PPP2R5E: variants seen among roughly 807,000 people sequenced by gnomAD.
The protein encoded by PPP2R5E is serine/threonine-protein phosphatase 2A 56 kDa regulatory subunit epsilon isoform.
In PPP2R5E, 4 loss-of-function variants were observed where a neutral mutation model predicts 65.3. The ratio of observed to expected loss-of-function variants is 0.06; its 90% CI spans 0.03 to 0.14. The LOEUF (loss-of-function observed/expected upper bound fraction) is 0.14. Among genes scored for constraint, PPP2R5E ranks in the 10% least tolerant of loss-of-function variants. The probability of loss-of-function intolerance (pLI) is 1.00; values close to 1 mark genes in which losing one functional copy is unlikely to be tolerated. For missense variants in PPP2R5E, 274 were observed against 556.1 expected, an observed-to-expected ratio of 0.49 and a Z score of 5.10; for synonymous variants, 183 against 187.4, an observed-to-expected ratio of 0.98 and a Z score of 0.19.
At position 63,372,763 on chromosome 14, in the gene PPP2R5E, G is replaced by T. The variant is rs760217307; in HGVS notation, c.*3246C>A. On this transcript the variant is annotated 3_prime_UTR_variant, in exon 14 of 14. Coordinates refer to ENST00000337537, the MANE Select transcript of PPP2R5E (RefSeq NM_006246.5). ...AGGGCTATACATTTAAGTATAGCAG[G>T]TGCAATTACAAGCAAGTCCTGGCTC... 2.0e-5 allele frequency: 3 copies of T among 152,060 alleles called. No individual in the cohort carries two copies. Among genetic ancestry groups the T allele is most frequent in the Non-Finnish European group, 4.4e-5 (3 of 68,016 alleles). 9.4% of individuals were successfully genotyped at this position (152,060 alleles called of 1,614,324 possible). A position where few individuals can be genotyped will look rare whatever the true frequency, so the allele number is the denominator to read the frequency against.
At chr14:63,492,500 G>A (rs1891329455) in intron 2 of PPP2R5E, among the ~76,000 whole-genome samples, 1 of 152,024 alleles carries the variant, frequency 6.6e-6, no homozygotes, top group Non-Finnish European at 1.5e-5. Context: ...TTTTTAAAGG[G>A]TCATAACAGG....
chr14:63,518,570 G>A (rs1178396083), intron 2 of PPP2R5E, among the ~76,000 whole-genome samples: 1 of 152,108 alleles, frequency 6.6e-6, no homozygotes, highest in Non-Finnish European at 1.5e-5. Context: ...TTTTCTTTAA[G>A]AGACTTGATG....
At chr14:63,514,427 G>A (rs1201054220) in intron 2 of PPP2R5E, among the ~76,000 whole-genome samples, 1 of 151,406 alleles carries the variant, frequency 6.6e-6, no homozygotes, top group Non-Finnish European at 1.5e-5. Flanking sequence ...GCTAACCAGA[G>A]CAAGCCATAA....
chr14:63,379,826 C>CTCTCTCTCTTT lies in PPP2R5E; in HGVS notation c.1304+2229_1304+2230insAAAGAGAGAGA, dbSNP rs528081976. On this transcript the variant is annotated intron_variant, in intron 13 of 13. Transcript: ENST00000337537. ...TAAGTTGTTCTTCAATATTCTCTCT[C>CTCTCTCTCTTT]TTTTTTTTTTTTTTTTTTTTTTTTT... Among the ~76,000 whole-genome samples the CTCTCTCTCTTT allele has an allele frequency of 7.3e-4, 73 of 100,278 alleles. 3 individuals carry two copies. The highest frequency in any genetic ancestry group is 2.6e-3 in the African/African-American group (50 of 19,170). 65.8% of individuals were successfully genotyped at this position (100,278 alleles called of 152,430 possible). A position where few individuals can be genotyped will look rare whatever the true frequency, so the allele number is the denominator to read the frequency against.
intron 2 of PPP2R5E, among the ~76,000 whole-genome samples, chr14:63,473,360 T>A (rs1890226259): frequency 6.6e-6 from 1 of 151,836 alleles, no homozygotes; most frequent in Admixed American, 6.6e-5. Flanking sequence ...AATGACTGAG[T>A]AAGGGGAAAA....
chr14:63,390,851 T>A (rs537801566), intron 10 of PPP2R5E, among the ~76,000 whole-genome samples: 1 of 152,324 alleles, frequency 6.6e-6, no homozygotes, highest in African/African-American at 2.4e-5. Context: ...TGGCTGCAGA[T>A]CTGGTGCTCA....
At chr14:63,391,670 G>A (rs540639955) in intron 10 of PPP2R5E, 147 bp downstream of exon 10, 103 of 762,986 alleles carry the variant, frequency 1.3e-4, no homozygotes, top group African/African-American at 3.4e-4. Context: ...TGATCTGCCC[G>A]CCTCGGCCTC....
chr14:63,426,912 A>G (rs950535088), intron 3 of PPP2R5E, among the ~76,000 whole-genome samples: 4 of 152,168 alleles, frequency 2.6e-5, no homozygotes, highest in African/African-American at 9.7e-5. Context: ...CCCCTGATTT[A>G]TCTGCAACAG....
intron 4 of PPP2R5E, among the ~76,000 whole-genome samples, chr14:63,418,284 A>AG (rs1400867375): frequency 1.3e-5 from 2 of 152,226 alleles, no homozygotes; most frequent in East Asian, 3.9e-4. Flanking sequence ...CAAAGAGGGG[A>AG]GATTCTCATC....
chr14:63,400,987 T>A (rs1566676042), intron 5 of PPP2R5E, among the ~76,000 whole-genome samples: 1 of 152,188 alleles, frequency 6.6e-6, no homozygotes, highest in Non-Finnish European at 1.5e-5. Context: ...AATCTTGAGT[T>A]TAATGAATAC....
intron 3 of PPP2R5E, among the ~76,000 whole-genome samples, chr14:63,444,360 C>T (rs544403906): frequency 6.6e-6 from 1 of 152,210 alleles, no homozygotes; most frequent in Non-Finnish European, 1.5e-5. Flanking sequence ...CGTCCCTTTA[C>T]TCCTTCCTTG....
chr14:63,537,458 T>G (rs939788453), intron 2 of PPP2R5E, among the ~76,000 whole-genome samples: 14 of 152,180 alleles, frequency 9.2e-5, no homozygotes, highest in African/African-American at 3.4e-4. Flanking sequence ...TAGTCAAAAT[T>G]TTCTCCCCCA....
At chr14:63,440,947 T>C (rs1333937183) in intron 3 of PPP2R5E, among the ~76,000 whole-genome samples, 6 of 44,478 alleles carry the variant, frequency 1.3e-4, no homozygotes, top group Admixed American at 1.9e-4. Flanking sequence ...AGACTCCATC[T>C]CAAAAAAAAA....
chr14:63,406,412 AAAAAAAAAAAAAAAG>A lies in PPP2R5E; in HGVS notation c.549+8713_549+8727del, dbSNP rs1043945754. ...GGTGACAGAGCTAGACTTCATCTCA[AAAAAAAAAAAAAAAG>A]AAAAAGAAAAACAACAGACTGTTTT... On this transcript the variant is annotated intron_variant, in intron 5 of 13. Coordinates refer to ENST00000337537, the MANE Select transcript of PPP2R5E (RefSeq NM_006246.5). Among the ~76,000 whole-genome samples the A allele has an allele frequency of 3.1e-4, 45 of 144,720 alleles. 2 individuals carry two copies. The highest frequency in any genetic ancestry group is 3.6e-3 in the Middle Eastern group (1 of 280). The allele number at this position is 144,720 out of a possible 152,430, so 94.9% of individuals were successfully genotyped here. A position where few individuals can be genotyped will look rare whatever the true frequency, so the allele number is the denominator to read the frequency against.
chr14:63,461,824 G>C (rs868675272), intron 2 of PPP2R5E, among the ~76,000 whole-genome samples: 1 of 144,910 alleles, frequency 6.9e-6, no homozygotes, highest in East Asian at 2.1e-4. Context: ...TAAAAAGGAG[G>C]GTTAGCAATT....
intron 3 of PPP2R5E, among the ~76,000 whole-genome samples, chr14:63,428,347 T>C (rs998632808): frequency 6.6e-6 from 1 of 152,244 alleles, no homozygotes; most frequent in African/African-American, 2.4e-5. Context: ...AGGACACTGG[T>C]GAAATCTGAC....
At chr14:63,376,941 G>A (rs1884019606) in intron 13 of PPP2R5E, among the ~76,000 whole-genome samples, 2 of 151,984 alleles carry the variant, frequency 1.3e-5, no homozygotes, top group African/African-American at 4.8e-5. Flanking sequence ...GCCGAGGCGG[G>A]TGGATCATCA....
chr14:63,419,662 G>C (rs1317817870), intron 4 of PPP2R5E, among the ~76,000 whole-genome samples: 1 of 151,874 alleles, frequency 6.6e-6, no homozygotes, highest in Non-Finnish European at 1.5e-5. Flanking sequence ...AGTGTGCCTA[G>C]TGACCTAAAC....
intron 2 of PPP2R5E, among the ~76,000 whole-genome samples, chr14:63,481,760 C>G (rs1016200606): frequency 5.3e-5 from 8 of 152,140 alleles, no homozygotes; most frequent in Non-Finnish European, 8.8e-5. Flanking sequence ...GCCTCATGGT[C>G]ACAAGACATT....
Sources: allele counts gnomAD v4.1 joint callset (sites outside exome capture counted in the v4.1 genomes callset), GRCh38; gene constraint gnomAD v4.1.1; transcripts MANE v1.5; gene names NCBI Gene and HGNC (gene_info 2026-07-23, HGNC 2026-07-21).